TANC1: variants seen among roughly 807,000 people sequenced by gnomAD.
The protein encoded by TANC1 is protein TANC1.
TANC1 carries 77 observed loss-of-function variants against 149.7 expected under a neutral mutation model. The observed-to-expected ratio is 0.51, with a 90% CI of 0.43 to 0.62. TANC1 has a LOEUF of 0.62. TANC1 is among the 20% of genes least tolerant of loss of function. The probability of loss-of-function intolerance (pLI) is 0.00; values close to 1 mark genes in which losing one functional copy is unlikely to be tolerated. For missense variants in TANC1, 1,985 were observed against 2,321.8 expected, an observed-to-expected ratio of 0.85 and a Z score of 2.98; for synonymous variants, 854 against 925.0, an observed-to-expected ratio of 0.92 and a Z score of 1.39.
intron 8 of TANC1, among the ~76,000 whole-genome samples, chr2:159,165,315 C>T (rs1003954178): frequency 3.9e-5 from 6 of 152,200 alleles, no homozygotes; most frequent in Admixed American, 6.5e-5. Context: ...TTAGCTTCTG[C>T]GTGTGCCCTT....
Position 159,100,952 on chromosome 2 carries a change from G to A in TANC1, c.259+3118G>A, listed in dbSNP as rs116038245. 8.5e-3 allele frequency among the ~76,000 whole-genome samples: 1,296 copies of A among 152,202 alleles called. 20 individuals are homozygous for A. The highest frequency in any genetic ancestry group is 0.029 in the African/African-American group (1,225 of 41,528). ...CTCATCTATTTTAAAAGCTAGCACT[G>A]TTGCTGCTAATGATAGAGTCAATAC... On this transcript the variant is annotated intron_variant, in intron 4 of 26. Coordinates refer to ENST00000263635, the MANE Select transcript of TANC1 (RefSeq NM_033394.3).
intron 3 of TANC1, among the ~76,000 whole-genome samples, chr2:159,089,284 GCA>G (rs1344799333): frequency 6.6e-6 from 1 of 151,940 alleles, no homozygotes; most frequent in Non-Finnish European, 1.5e-5. Context: ...TGGTTTTTTT[GCA>G]CTTGTGAGTT....
intron 2 of TANC1, among the ~76,000 whole-genome samples, chr2:159,006,295 C>CAAA (rs71406138): frequency 5.7e-4 from 43 of 74,930 alleles, no homozygotes; most frequent in Non-Finnish European, 8.4e-4. Context: ...GACTTAGTCT[C>CAAA]AAAAAAAAAA....
chr2:159,068,728 C>T (rs957611790), intron 3 of TANC1, among the ~76,000 whole-genome samples: 4 of 152,064 alleles, frequency 2.6e-5, no homozygotes, highest in African/African-American at 7.2e-5. Context: ...TTTGTTGGTT[C>T]TTATTCTTTT....
At chr2:158,969,396 C>T (rs2032487953) in intron 1 of TANC1, among the ~76,000 whole-genome samples, 1 of 152,234 alleles carries the variant, frequency 6.6e-6, no homozygotes, top group Admixed American at 6.5e-5. Context: ...TTAGCATATC[C>T]ACACTCCTTT....
rs181002281 is a variant in TANC1 at position 159,032,656 on chromosome 2, C to T, written c.-16+31467C>T. On this transcript the variant is annotated intron_variant, in intron 2 of 26. Transcript: ENST00000263635. ...CATTGTGCCCAGATCTAACACTGTC[C>T]CTCCATTCTCTTAACTTACAACAGT... Among the ~76,000 whole-genome samples, 271 of 152,198 alleles carry T rather than the reference C, an allele frequency of 1.8e-3. 1 individual carries two copies. Among genetic ancestry groups the T allele is most frequent in the Non-Finnish European group, 1.7e-3 (117 of 68,006 alleles).
chr2:159,160,140 A>G (rs1280305180), intron 7 of TANC1, among the ~76,000 whole-genome samples: 1 of 152,208 alleles, frequency 6.6e-6, no homozygotes, highest in African/African-American at 2.4e-5. Context: ...TTAAGGCCTG[A>G]TAAGTCGCTC....
Position 159,230,939 on chromosome 2 carries a change from T to C in TANC1, c.5513T>C (p.Ile1838Thr), listed in dbSNP as rs538699452. The C allele has an allele frequency of 1.3e-4, 215 of 1,614,144 alleles. 5 individuals are homozygous for C. In the South Asian group the frequency reaches 1.6e-3, roughly 12 times the overall value. The change falls in exon 27 of 27, where the codon ATT (isoleucine) becomes ACT (threonine). Residue 1838 changes from isoleucine to threonine, a missense_variant. Ile to Thr is a moderately conservative substitution (Grantham distance 89, BLOSUM62 -1). This residue lies in a region of TANC1 where 920 missense variants were observed against 994.7 expected (regional missense o/e 0.92). Transcript: ENST00000263635. The surrounding 1 kb of genome is among the most constrained non-coding windows in gnomAD (Gnocchi z 4.4). The stretch of plus-strand genomic sequence containing the variant: ...AGTATCTCCAAACAGCAGCCTCATA[T>C]TAGTAATGAAGCCCACAGGAGCCAC... ...QESISKQQPH[I>T]SNEAHRSHLT... is the part of the protein sequence containing the mutation.
intron 2 of TANC1, among the ~76,000 whole-genome samples, chr2:159,054,355 A>G (rs1000168919): frequency 6.6e-6 from 1 of 152,210 alleles, no homozygotes; most frequent in Non-Finnish European, 1.5e-5. Flanking sequence ...GGCCAGGCAT[A>G]TGGATAGTGG....
intron 1 of TANC1, among the ~76,000 whole-genome samples, chr2:158,969,686 A>G (rs2032548562): frequency 6.6e-6 from 1 of 152,246 alleles, no homozygotes; most frequent in Non-Finnish European, 1.5e-5. Flanking sequence ...GTTTGCAGAC[A>G]GAAAGGTCCC....
chr2:159,009,082 C>T (rs543474943), intron 2 of TANC1, among the ~76,000 whole-genome samples: 109 of 152,090 alleles, frequency 7.2e-4, no homozygotes, highest in Non-Finnish European at 1.5e-3. Flanking sequence ...TAACTAAGAG[C>T]AGGTTGGAAA....
At chr2:159,052,900 T>C (rs568609857) in intron 2 of TANC1, among the ~76,000 whole-genome samples, 6 of 152,382 alleles carry the variant, frequency 3.9e-5, no homozygotes, top group African/African-American at 1.2e-4. Context: ...AAGCATACTT[T>C]AGTGTATCAG....
intron 16 of TANC1, among the ~76,000 whole-genome samples, chr2:159,192,021 C>T (rs974073605): frequency 1.3e-5 from 2 of 151,074 alleles, no homozygotes; most frequent in Non-Finnish European, 3.0e-5. Flanking sequence ...ATCTGAAGAT[C>T]TGAAAAAAAA....
At chr2:158,988,817 G>C (rs184776945) in intron 1 of TANC1, among the ~76,000 whole-genome samples, 6 of 152,208 alleles carry the variant, frequency 3.9e-5, no homozygotes, top group Non-Finnish European at 7.4e-5. Flanking sequence ...CTACCTCCAG[G>C]TCTCATGGCA....
chr2:159,066,497 A>G (rs533641123), intron 3 of TANC1, among the ~76,000 whole-genome samples: 123 of 152,356 alleles, frequency 8.1e-4, no homozygotes, highest in African/African-American at 2.9e-3. Context: ...GTTATAACCA[A>G]ATCCTTTCCC....
rs1235020820 is a variant in TANC1, at chr2:159,178,861, C to G, written c.2208C>G (p.Leu736=). The change falls in exon 14 of 27, where the codon CTC becomes CTG. Residue 736 remains leucine, a synonymous_variant. Coordinates refer to ENST00000263635, the MANE Select transcript of TANC1 (RefSeq NM_033394.3). Reference sequence around the variant, plus strand: ...TGGTGCCCGTGTCTCTCTCTGAGCTCTATTTGCTTCAGTGCAACATGAAGT... The same window carrying G: ...TGGTGCCCGTGTCTCTCTCTGAGCTGTATTTGCTTCAGTGCAACATGAAGT... The part of the protein sequence containing the change: ...YKVVPVSLSE[L]YLLQCNMKFM... The G allele has an allele frequency of 1.2e-6, 2 of 1,614,194 alleles. No individual in the cohort carries two copies. Among genetic ancestry groups the G allele is most frequent in the South Asian group, 2.2e-5 (2 of 91,084 alleles).
chr2:159,172,045 CAAATCAAG>C, intron 10 of TANC1, 68 bp from the exon 11 acceptor site: 1 of 1,443,354 alleles, frequency 6.9e-7, no homozygotes, highest in Non-Finnish European at 9.5e-7. Flanking sequence ...TGCCCTGGCA[CAAATCAAG>C]AAATATATTC....
intron 18 of TANC1, among the ~76,000 whole-genome samples, chr2:159,197,604 A>AACACAC (rs35552387): frequency 1.9e-4 from 28 of 143,826 alleles, no homozygotes; most frequent in African/African-American, 5.6e-4. Context: ...TTAAACATTA[A>AACACAC]ACACACACAC....
At chr2:159,084,389 G>A (rs2044620892) in intron 3 of TANC1, among the ~76,000 whole-genome samples, 1 of 152,188 alleles carries the variant, frequency 6.6e-6, no homozygotes, top group Non-Finnish European at 1.5e-5. Context: ...TGTGAGCTAA[G>A]TTGGTAGTAT....
Sources: allele counts gnomAD v4.1 joint callset (sites outside exome capture counted in the v4.1 genomes callset), GRCh38; gene constraint gnomAD v4.1.1; regional missense constraint gnomAD v4.1.1; non-coding constraint Gnocchi (gnomAD v3.1); transcripts MANE v1.5; gene names NCBI Gene and HGNC (gene_info 2026-07-23, HGNC 2026-07-21).